Variants in GABRB1 observed in about 807,000 individuals in gnomAD.
GABRB1 encodes gamma-aminobutyric acid receptor subunit beta-1.
In GABRB1, 17 loss-of-function variants were observed where a neutral mutation model predicts 51.6. The observed-to-expected ratio is 0.33, with a 90% CI of 0.23 to 0.49. GABRB1 has a LOEUF of 0.49. Ranked by LOEUF, GABRB1 falls within the 20% of genes least tolerant of loss-of-function variation. The pLI is 0.99. For synonymous variants in GABRB1, 247 were observed against 218.9 expected, an observed-to-expected ratio of 1.13 and a Z score of -1.14; for missense variants, 410 against 600.6, an observed-to-expected ratio of 0.68 and a Z score of 3.32.
intron 3 of GABRB1, among the ~76,000 whole-genome samples, chr4:47,156,317 G>C (rs140604297): frequency 1.1e-4 from 17 of 151,970 alleles, no homozygotes; most frequent in African/African-American, 3.6e-4. Context: ...CTGATGATTA[G>C]TGATAAAAAG....
intron 5 of GABRB1, among the ~76,000 whole-genome samples, chr4:47,362,146 G>A (rs1425297217): frequency 6.6e-6 from 1 of 152,146 alleles, no homozygotes; most frequent in African/African-American, 2.4e-5. Flanking sequence ...CTGGAGGAAA[G>A]TTACAAGAAG....
chr4:47,048,070 C>G (rs1253718495), intron 3 of GABRB1, among the ~76,000 whole-genome samples: 1 of 152,140 alleles, frequency 6.6e-6, no homozygotes, highest in African/African-American at 2.4e-5. Flanking sequence ...GTAAATTTCT[C>G]TTAACATCTT....
At chr4:47,088,680 G>A (rs1474748658) in intron 3 of GABRB1, among the ~76,000 whole-genome samples, 1 of 152,128 alleles carries the variant, frequency 6.6e-6, no homozygotes, top group Non-Finnish European at 1.5e-5. Context: ...CCGAAGCAGG[G>A]AATTCTTCTT....
chr4:47,046,641 A>C (rs2109499087), intron 3 of GABRB1, among the ~76,000 whole-genome samples: 1 of 152,222 alleles, frequency 6.6e-6, no homozygotes, highest in African/African-American at 2.4e-5. Flanking sequence ...TGAGATATGC[A>C]GGAGAAGAAT....
intron 4 of GABRB1, among the ~76,000 whole-genome samples, chr4:47,275,226 C>T (rs1388172326): frequency 6.6e-6 from 1 of 152,130 alleles, no homozygotes; most frequent in Non-Finnish European, 1.5e-5. Flanking sequence ...AGAAGCAAGT[C>T]CAGAGTGGCT....
At chr4:47,337,383 A>T (rs1391326047) in intron 5 of GABRB1, among the ~76,000 whole-genome samples, 2 of 152,114 alleles carry the variant, frequency 1.3e-5, no homozygotes, top group African/African-American at 4.8e-5. Context: ...GGTTTTGATA[A>T]GAGGAGGTGG....
chr4:47,369,089 C>G (rs1727093190), intron 5 of GABRB1, among the ~76,000 whole-genome samples: 1 of 152,084 alleles, frequency 6.6e-6, no homozygotes, highest in Non-Finnish European at 1.5e-5. Flanking sequence ...GCCTGGGTAA[C>G]AGAGAGAGAC....
chr4:47,101,568 C>T (rs530201328), intron 3 of GABRB1, among the ~76,000 whole-genome samples: 17 of 151,894 alleles, frequency 1.1e-4, no homozygotes, highest in Admixed American at 3.3e-4. Context: ...TGCAACCAAC[C>T]GTTTTAAGAT....
chr4:47,267,449 TATC>T (rs1037127581), intron 4 of GABRB1, among the ~76,000 whole-genome samples: 5 of 151,400 alleles, frequency 3.3e-5, no homozygotes, highest in Non-Finnish European at 7.4e-5. Context: ...AAAATTTAAA[TATC>T]AACTAAAGAT....
At chr4:47,326,356 A>G (rs761720991) in intron 5 of GABRB1, among the ~76,000 whole-genome samples, 25 of 152,306 alleles carry the variant, frequency 1.6e-4, no homozygotes, top group Non-Finnish European at 3.4e-4. Flanking sequence ...ATCTCACATT[A>G]CAAGAAGAAG....
At chr4:47,148,354 A>G (rs761270996) in intron 3 of GABRB1, among the ~76,000 whole-genome samples, 15 of 152,034 alleles carry the variant, frequency 9.9e-5, no homozygotes, top group Non-Finnish European at 2.2e-4. Flanking sequence ...GCTGGGTCAT[A>G]GAAGTAAAGT....
intron 4 of GABRB1, among the ~76,000 whole-genome samples, chr4:47,226,413 T>A (rs555994150): frequency 1.3e-5 from 2 of 152,022 alleles, no homozygotes; most frequent in South Asian, 4.2e-4. Flanking sequence ...AAATGCAAAG[T>A]TCTGGGGTGG....
At chr4:47,285,660 T>A (rs903924372) in intron 4 of GABRB1, among the ~76,000 whole-genome samples, 1 of 152,200 alleles carries the variant, frequency 6.6e-6, no homozygotes, top group African/African-American at 2.4e-5. Context: ...ATCCCTACTC[T>A]AGCATTTCCT....
intron 3 of GABRB1, among the ~76,000 whole-genome samples, chr4:47,078,727 C>T (rs1727681115): frequency 6.6e-6 from 1 of 152,172 alleles, no homozygotes; most frequent in Admixed American, 6.5e-5. Context: ...TCTCTGGGTC[C>T]TGGTTCTTGC....
chr4:47,389,250 C>T (rs1727902274), intron 5 of GABRB1, among the ~76,000 whole-genome samples: 1 of 152,204 alleles, frequency 6.6e-6, no homozygotes, highest in Non-Finnish European at 1.5e-5. Context: ...TCCCCATCCC[C>T]TTCCCTGCTT....
At chr4:47,370,487 A>AAC (rs1727149976) in intron 5 of GABRB1, among the ~76,000 whole-genome samples, 1 of 32,688 alleles carries the variant, frequency 3.1e-5, no homozygotes, top group Admixed American at 2.2e-4. Context: ...ACTCCATCTC[A>AAC]AAAAAAAAAA....
intron 4 of GABRB1, among the ~76,000 whole-genome samples, chr4:47,296,531 A>G (rs1723999810): frequency 6.6e-6 from 1 of 152,208 alleles, no homozygotes; most frequent in South Asian, 2.1e-4. Flanking sequence ...CATAATGGTA[A>G]AGGGATCAAT....
At chr4:47,381,496 G>A (rs1452280232) in intron 5 of GABRB1, among the ~76,000 whole-genome samples, 4 of 152,118 alleles carry the variant, frequency 2.6e-5, no homozygotes, top group African/African-American at 9.7e-5. Context: ...AGGATTCCTC[G>A]GAAAGCCTCC....
chr4:47,360,661 G>T (rs1726775901), intron 5 of GABRB1, among the ~76,000 whole-genome samples: 1 of 152,038 alleles, frequency 6.6e-6, no homozygotes, highest in African/African-American at 2.4e-5. Flanking sequence ...CTATTTTAAT[G>T]TAAAATCTCT....
Sources: allele counts gnomAD v4.1 joint callset (sites outside exome capture counted in the v4.1 genomes callset), GRCh38; gene constraint gnomAD v4.1.1; transcripts MANE v1.5; gene names NCBI Gene and HGNC (gene_info 2026-07-23, HGNC 2026-07-21).